Variants in LTBP1 observed in about 807,000 individuals in gnomAD.
The protein encoded by LTBP1 is latent transforming growth factor beta binding protein 1, also known as latent-transforming growth factor beta-binding protein 1.
LTBP1 carries 129 observed loss-of-function variants against 207.6 expected under a neutral mutation model. The ratio of observed to expected loss-of-function variants is 0.62; its 90% confidence interval spans 0.54 to 0.72. The LOEUF (loss-of-function observed/expected upper bound fraction) is 0.72, where lower values mean the gene tolerates loss of function less well. LTBP1 is among the 30% of genes least tolerant of loss of function. LTBP1 has a pLI of 0.00. For synonymous variants in LTBP1, 963 were observed against 833.7 expected, an observed-to-expected ratio of 1.16 and a Z score of -2.67; for missense variants, 2,281 against 2,217.2, an observed-to-expected ratio of 1.03 and a Z score of -0.58.
chr2:33,147,475 A>C (rs1558704335), intron 5 of LTBP1, among the ~76,000 whole-genome samples: 1 of 152,210 alleles, frequency 6.6e-6, no homozygotes. Flanking sequence ...ACTATTATTA[A>C]TCCACTCTGA....
At chr2:32,966,658 A>C (rs1680051192) in intron 2 of LTBP1, among the ~76,000 whole-genome samples, 1 of 152,024 alleles carries the variant, frequency 6.6e-6, no homozygotes, top group Admixed American at 6.5e-5. Flanking sequence ...TTTCTTCTTT[A>C]GGTTGTTGAT....
intron 26 of LTBP1, among the ~76,000 whole-genome samples, chr2:33,358,917 C>T (rs997250600): frequency 4.6e-5 from 7 of 152,082 alleles, no homozygotes; most frequent in African/African-American, 1.4e-4. Context: ...AACGAAGATC[C>T]GTTCCGTTAA....
intron 3 of LTBP1, among the ~76,000 whole-genome samples, chr2:33,054,560 T>A (rs1307100855): frequency 1.3e-5 from 2 of 152,172 alleles, no homozygotes; most frequent in African/African-American, 4.8e-5. Flanking sequence ...GGTGTGGGAC[T>A]TACAGGCATA....
chr2:33,065,761 T>C (rs1170747321), intron 3 of LTBP1, among the ~76,000 whole-genome samples: 1 of 152,072 alleles, frequency 6.6e-6, no homozygotes, highest in Non-Finnish European at 1.5e-5. Context: ...CTTTGAAGAG[T>C]TTTTATAAGA....
At chr2:33,057,839 C>T (rs986303189) in intron 3 of LTBP1, among the ~76,000 whole-genome samples, 13 of 152,248 alleles carry the variant, frequency 8.5e-5, no homozygotes, top group East Asian at 3.8e-4. Flanking sequence ...CCGAGGGAGG[C>T]GGCTCCGGCC....
intron 9 of LTBP1, among the ~76,000 whole-genome samples, chr2:33,231,174 C>T (rs910015995): frequency 6.6e-6 from 1 of 152,124 alleles, no homozygotes; most frequent in African/African-American, 2.4e-5. Flanking sequence ...ATTTACTCTT[C>T]GAACTAGCTG....
chr2:33,202,523 A>G (rs552073971), intron 7 of LTBP1, among the ~76,000 whole-genome samples: 54 of 152,362 alleles, frequency 3.5e-4, no homozygotes, highest in African/African-American at 1.3e-3. Context: ...GCCTAAATCT[A>G]TGATTACAAA....
At chr2:33,378,473 C>A (rs892927080) in intron 31 of LTBP1, among the ~76,000 whole-genome samples, 2 of 152,092 alleles carry the variant, frequency 1.3e-5, no homozygotes, top group Non-Finnish European at 2.9e-5. Flanking sequence ...CTCAGGCAAT[C>A]CACCCGCCTC....
chr2:33,348,799 T>C (rs557036618), intron 26 of LTBP1, among the ~76,000 whole-genome samples: 166 of 152,296 alleles, frequency 1.1e-3, no homozygotes, highest in African/African-American at 3.8e-3. Context: ...TCACACTCTG[T>C]AGAGGAAGGG....
At chr2:32,956,605 A>G (rs950628298) in intron 2 of LTBP1, among the ~76,000 whole-genome samples, 4 of 152,130 alleles carry the variant, frequency 2.6e-5, no homozygotes, top group African/African-American at 9.7e-5. Flanking sequence ...AACTCCTCCA[A>G]GTCATCCATG....
intron 24 of LTBP1, among the ~76,000 whole-genome samples, chr2:33,317,243 A>G (rs2094286856): frequency 6.6e-6 from 1 of 152,204 alleles, no homozygotes; most frequent in African/African-American, 2.4e-5. Context: ...AAATTACTGT[A>G]CTCATTGAGT....
intron 7 of LTBP1, among the ~76,000 whole-genome samples, chr2:33,204,277 A>C (rs946945147): frequency 1.3e-5 from 2 of 151,190 alleles, no homozygotes; most frequent in African/African-American, 4.9e-5. Context: ...GTTCTATTTC[A>C]ACAAGGTCAC....
chr2:33,279,501 C>A (rs1431205646), intron 18 of LTBP1, among the ~76,000 whole-genome samples: 4 of 133,460 alleles, frequency 3.0e-5, no homozygotes, highest in African/African-American at 1.1e-4. Context: ...TGAGTTCACT[C>A]TCTCCTCATG....
At chr2:33,253,811 C>G (rs1275616173) in intron 11 of LTBP1, among the ~76,000 whole-genome samples, 4 of 150,432 alleles carry the variant, frequency 2.7e-5, no homozygotes, top group Non-Finnish European at 5.9e-5. Flanking sequence ...TGTTGGTAGA[C>G]TAGATAATTT....
At chr2:33,027,863 A>G (rs577002267) in intron 3 of LTBP1, among the ~76,000 whole-genome samples, 1 of 152,312 alleles carries the variant, frequency 6.6e-6, no homozygotes, top group East Asian at 1.9e-4. Context: ...ATTCTACAAT[A>G]AGACCTTTTT....
At chr2:33,138,986 G>A (rs1254648464) in intron 5 of LTBP1, among the ~76,000 whole-genome samples, 1 of 149,668 alleles carries the variant, frequency 6.7e-6, no homozygotes, top group African/African-American at 2.5e-5. Context: ...AGCCTCCCGA[G>A]TAGCTGGGAC....
At chr2:33,324,994 C>A (rs950718124) in intron 24 of LTBP1, among the ~76,000 whole-genome samples, 1 of 152,134 alleles carries the variant, frequency 6.6e-6, no homozygotes, top group Non-Finnish European at 1.5e-5. Context: ...CGTGAGCCAC[C>A]GCACCTGGCC....
chr2:33,227,274 G>A (rs935399998), intron 9 of LTBP1, among the ~76,000 whole-genome samples: 3 of 152,006 alleles, frequency 2.0e-5, no homozygotes, highest in South Asian at 2.1e-4. Flanking sequence ...CAAATCACCC[G>A]TCTCCACCTC....
intron 20 of LTBP1, among the ~76,000 whole-genome samples, chr2:33,296,959 CATG>C (rs1340014052): frequency 6.6e-5 from 10 of 152,114 alleles, no homozygotes; most frequent in African/African-American, 1.7e-4. Flanking sequence ...CAGAGCATGA[CATG>C]GTGGTGGTGG....
Sources: gnomAD v4.1 joint callset for allele counts (sites outside exome capture counted in the v4.1 genomes callset) on GRCh38, gnomAD v4.1.1 for gene constraint, MANE v1.5 for transcripts, NCBI Gene and HGNC (gene_info 2026-07-23, HGNC 2026-07-21) for gene names.